PEBP4: variants seen among roughly 807,000 people sequenced by gnomAD.
PEBP4 encodes the protein phosphatidylethanolamine-binding protein 4.
In PEBP4, 22 loss-of-function variants were observed where a neutral mutation model predicts 23.9. The ratio of observed to expected loss-of-function variants is 0.92; its 90% CI spans 0.66 to 1.31. The LOEUF is 1.31. Among genes scored for constraint, PEBP4 ranks in the 40% most tolerant of loss-of-function variants. PEBP4 has a pLI of 0.00. For synonymous variants in PEBP4, 112 were observed against 99.3 expected, an observed-to-expected ratio of 1.13 and a Z score of -0.76; for missense variants, 324 against 281.7, an observed-to-expected ratio of 1.15 and a Z score of -1.07.
intron 3 of PEBP4, among the ~76,000 whole-genome samples, chr8:22,914,476 G>GTGAGT (rs1809026237): frequency 1.3e-5 from 2 of 152,164 alleles, no homozygotes; most frequent in African/African-American, 4.8e-5. Flanking sequence ...AAGCGGTGGT[G>GTGAGT]TGAGTAGCCT....
chr8:22,843,146 T>C (rs542077349), intron 3 of PEBP4, among the ~76,000 whole-genome samples: 16 of 152,236 alleles, frequency 1.1e-4, no homozygotes, highest in African/African-American at 3.9e-4. Context: ...GTATTTTTAG[T>C]AGAGACAGGG....
intron 3 of PEBP4, among the ~76,000 whole-genome samples, chr8:22,906,628 C>T (rs747659827): frequency 3.9e-5 from 6 of 152,230 alleles, no homozygotes; most frequent in Non-Finnish European, 5.9e-5. Flanking sequence ...GATGACTGTC[C>T]ATCACCATCA....
At position 22,724,948 on chromosome 8, in the gene PEBP4, C is replaced by T. The variant is rs201641159; in HGVS notation, c.412G>A (p.Ala138Thr). The change falls in exon 6 of 7, where the codon GCT (alanine) becomes ACT (threonine). Residue 138 changes from alanine to threonine, a missense_variant. By Grantham distance (58) the Ala-to-Thr change is moderately conservative. Transcript: ENST00000256404. ...IQGQELSAYQ[A>T]PSPPAHSGFH... Reference sequence around the variant, plus strand: ...CCACTGTGTGCCGGTGGGGAGGGAGCCTGGTAGGCTATAGGTAGAAGCAGG... The same window carrying T: ...CCACTGTGTGCCGGTGGGGAGGGAGTCTGGTAGGCTATAGGTAGAAGCAGG... The T allele has an allele frequency of 3.7e-6, 6 of 1,612,832 alleles. No individual in the cohort carries two copies. Among genetic ancestry groups the T allele is most frequent in the South Asian group, 1.1e-5 (1 of 91,046 alleles).
intron 4 of PEBP4, among the ~76,000 whole-genome samples, chr8:22,786,482 C>G (rs1166570421): frequency 6.6e-6 from 1 of 152,046 alleles, no homozygotes; most frequent in Non-Finnish European, 1.5e-5. Flanking sequence ...GGGGGCCTTG[C>G]CATGTTGCCC....
intron 3 of PEBP4, among the ~76,000 whole-genome samples, chr8:22,853,720 T>G (rs1258794557): frequency 6.6e-6 from 1 of 152,184 alleles, no homozygotes; most frequent in African/African-American, 2.4e-5. Flanking sequence ...TACTATTGCC[T>G]CCTGGAAGTC....
At chr8:22,910,396 C>A (rs772003302) in intron 3 of PEBP4, among the ~76,000 whole-genome samples, 1 of 152,270 alleles carries the variant, frequency 6.6e-6, no homozygotes, top group Non-Finnish European at 1.5e-5. Context: ...TCTTGCTGGT[C>A]TCCCAAGCAT....
intron 4 of PEBP4, among the ~76,000 whole-genome samples, chr8:22,767,116 C>T (rs1805627168): frequency 6.6e-6 from 1 of 152,236 alleles, no homozygotes; most frequent in South Asian, 2.1e-4. Flanking sequence ...GGAGTACTTG[C>T]ATTTTAAAAG....
intron 4 of PEBP4, among the ~76,000 whole-genome samples, chr8:22,737,456 C>T (rs1804890963): frequency 1.3e-5 from 2 of 152,306 alleles, no homozygotes; most frequent in African/African-American, 2.4e-5. Context: ...GCAGGCATCT[C>T]GCCATGGTCT....
chr8:22,876,154 A>G (rs1585318542), intron 3 of PEBP4, among the ~76,000 whole-genome samples: 1 of 152,072 alleles, frequency 6.6e-6, no homozygotes, highest in Non-Finnish European at 1.5e-5. Flanking sequence ...CAAGTGATAC[A>G]CCAGCCTCAG....
At chr8:22,834,543 A>G (rs73553882) in intron 3 of PEBP4, among the ~76,000 whole-genome samples, 4,967 of 152,270 alleles carry the variant, frequency 0.033, 244 homozygotes, top group African/African-American at 0.096. Context: ...GTTGCTGTGG[A>G]TCAGAGATCC....
chr8:22,832,483 G>A (rs746206587), intron 3 of PEBP4, among the ~76,000 whole-genome samples: 21 of 152,158 alleles, frequency 1.4e-4, no homozygotes, highest in African/African-American at 3.6e-4. Flanking sequence ...GAGAATAAAT[G>A]TGTGTTTTTT....
chr8:22,867,013 T>G (rs1807917754), intron 3 of PEBP4, among the ~76,000 whole-genome samples: 1 of 151,960 alleles, frequency 6.6e-6, no homozygotes, highest in Non-Finnish European at 1.5e-5. Flanking sequence ...AAATTGCAAG[T>G]AAATCTGTGT....
rs11474736 is a variant in PEBP4 at position 22,933,005 on chromosome 8, C to CAAA, written c.145-5288_145-5286dup. ...GGGCAACAGAGCAAGACTCCGTCTC[C>CAAA]AAAAAAAAAAAAAAAGGTTGGAAAT... On this transcript the variant is annotated intron_variant, in intron 1 of 1. Transcript: ENST00000522278. Among the ~76,000 whole-genome samples the CAAA allele has an allele frequency of 1.5e-3, 206 of 134,224 alleles. 3 individuals are homozygous for CAAA. Among genetic ancestry groups the CAAA allele is most frequent in the South Asian group, 5.5e-3 (23 of 4,174 alleles). 88.1% of individuals were successfully genotyped at this position (134,224 alleles called of 152,430 possible).
chr8:22,890,351 T>C (rs754520701), intron 3 of PEBP4, among the ~76,000 whole-genome samples: 1 of 152,230 alleles, frequency 6.6e-6, no homozygotes, highest in Admixed American at 6.5e-5. Flanking sequence ...ATGCTGCTGG[T>C]CCACGGACCA....
chr8:22,874,238 A>G (rs1383267871), intron 3 of PEBP4, among the ~76,000 whole-genome samples: 1 of 152,172 alleles, frequency 6.6e-6, no homozygotes, highest in Non-Finnish European at 1.5e-5. Context: ...CCCTGTTTAA[A>G]TACCTGGGAA....
chr8:22,761,235 GGT>G (rs141053955), intron 4 of PEBP4, among the ~76,000 whole-genome samples: 1 of 151,522 alleles, frequency 6.6e-6, no homozygotes, highest in Non-Finnish European at 1.5e-5. Context: ...TGTGGGGTGG[GGT>G]GTGTGTGTGT....
chr8:22,930,442 C>G (rs183764463), upstream of PEBP4, among the ~76,000 whole-genome samples: 1 of 152,114 alleles, frequency 6.6e-6, no homozygotes, highest in African/African-American at 2.4e-5. Context: ...ATCCCCCCAG[C>G]CTATAAGCTT....
intron 3 of PEBP4, among the ~76,000 whole-genome samples, chr8:22,824,934 G>T (rs1029064141): frequency 6.6e-5 from 10 of 152,310 alleles, no homozygotes; most frequent in African/African-American, 2.4e-4. Context: ...GGTACTGGGG[G>T]TTGGGGACTC....
intron 4 of PEBP4, among the ~76,000 whole-genome samples, chr8:22,736,571 C>A (rs1370987871): frequency 6.6e-6 from 1 of 152,178 alleles, no homozygotes; most frequent in African/African-American, 2.4e-5. Flanking sequence ...TGCACCACTG[C>A]ATTCCAGCTT....
Sources: gnomAD v4.1 joint callset for allele counts (sites outside exome capture counted in the v4.1 genomes callset) on GRCh38, gnomAD v4.1.1 for gene constraint, MANE v1.5 for transcripts, NCBI Gene and HGNC (gene_info 2026-07-23, HGNC 2026-07-21) for gene names.